The following VPS8 variants were observed in gnomAD, a reference collection of about 807,000 sequenced individuals.
VPS8 encodes the protein VPS8 subunit of CORVET complex.
In VPS8, 129 loss-of-function variants were observed where a neutral mutation model predicts 216.4. The observed-to-expected ratio is 0.60, with a 90% CI of 0.52 to 0.69. The LOEUF (loss-of-function observed/expected upper bound fraction) is 0.69. Among genes scored for constraint, VPS8 ranks in the 30% least tolerant of loss-of-function variants. The pLI is 0.00. For synonymous variants in VPS8, 571 were observed against 565.4 expected (o/e 1.01, Z -0.14); for missense variants, 1,531 against 1,683.5 (o/e 0.91, Z 1.59).
chr3:184,814,950 A>G (rs1054003715), intron 1 of VPS8, among the ~76,000 whole-genome samples: 4 of 152,216 alleles, frequency 2.6e-5, no homozygotes, highest in African/African-American at 4.8e-5. Context: ...CTGTACAAAA[A>G]TATTTTCTTT....
At chr3:184,873,784 C>G (rs1728767657) in intron 21 of VPS8, among the ~76,000 whole-genome samples, 1 of 152,174 alleles carries the variant, frequency 6.6e-6, no homozygotes, top group Admixed American at 6.5e-5. Flanking sequence ...GTTCAACTCT[C>G]AAGACCCAGT....
At chr3:185,016,881 T>G (rs557490593) in intron 45 of VPS8, among the ~76,000 whole-genome samples, 1 of 152,308 alleles carries the variant, frequency 6.6e-6, no homozygotes, top group African/African-American at 2.4e-5. Context: ...TTGGCTTATC[T>G]GTTAACCATT....
chr3:184,942,943 A>G (rs1743002905), intron 36 of VPS8, among the ~76,000 whole-genome samples: 1 of 152,172 alleles, frequency 6.6e-6, no homozygotes, highest in Admixed American at 6.6e-5. Flanking sequence ...GTAAAGAAAA[A>G]AGAGGAAGTT....
chr3:184,989,372 T>C (rs1329444948), intron 42 of VPS8, among the ~76,000 whole-genome samples: 1 of 152,204 alleles, frequency 6.6e-6, no homozygotes, highest in African/African-American at 2.4e-5. Context: ...TATGATCATA[T>C]GATTTTTCTT....
At chr3:184,885,958 C>A in intron 21 of VPS8, 152 bp from the exon 22 acceptor site, 2 of 713,266 alleles carry the variant, frequency 2.8e-6, no homozygotes, top group Non-Finnish European at 4.6e-6. Context: ...GTTTTTCAGA[C>A]TTTGACACAT....
chr3:184,960,099 T>C (rs1746263697), intron 37 of VPS8, among the ~76,000 whole-genome samples: 1 of 152,192 alleles, frequency 6.6e-6, no homozygotes, highest in East Asian at 1.9e-4. Context: ...TTTGGTTTTT[T>C]GTCCTTGCGA....
chr3:184,885,855 G>A, intron 21 of VPS8: 1 of 327,110 alleles, frequency 3.1e-6, no homozygotes, highest in Non-Finnish European at 5.6e-6. Context: ...TTAGAAAGAT[G>A]CAGTGAACAC....
intron 46 of VPS8, among the ~76,000 whole-genome samples, chr3:185,033,323 A>T (rs2046591895): frequency 6.6e-6 from 1 of 152,170 alleles, no homozygotes; most frequent in South Asian, 2.1e-4. Flanking sequence ...GTAACTACTA[A>T]TCTTTTTACT....
chr3:185,013,094 T>G (rs571272565), intron 45 of VPS8, among the ~76,000 whole-genome samples: 2 of 152,342 alleles, frequency 1.3e-5, no homozygotes, highest in Non-Finnish European at 2.9e-5. Flanking sequence ...ATGCTATTGT[T>G]TGGGGTTTAA....
intron 45 of VPS8, among the ~76,000 whole-genome samples, chr3:185,012,496 ACAT>A (rs1350369043): frequency 4.0e-5 from 6 of 151,472 alleles, no homozygotes; most frequent in South Asian, 4.1e-4. Flanking sequence ...TTCATAGCAA[ACAT>A]CAACCCATAG....
At position 184,862,995 on chromosome 3, in the gene VPS8, A is replaced by G. The variant is rs747846690; in HGVS notation, c.1323A>G (p.Ser441=). 2.0e-5 allele frequency: 32 copies of G among 1,612,582 alleles called. No homozygotes were observed. The highest frequency in any genetic ancestry group is 4.2e-6 in the Non-Finnish European group (5 of 1,179,272). Residue 441 remains serine (S), a synonymous_variant, in exon 16 of 48, where the codon TCA becomes TCG. Coordinates refer to ENST00000625842, the MANE Select transcript of VPS8 (RefSeq NM_001009921.3). ...TQEELETVEI[S]EVQLVYNSSH... Reference sequence around the variant, plus strand: ...AGGAATTGGAGACAGTGGAGATCTCAGAAGTTCAGCTGGTCTACAATAGCA... The same window carrying G: ...AGGAATTGGAGACAGTGGAGATCTCGGAAGTTCAGCTGGTCTACAATAGCA...
intron 7 of VPS8, 109 bp downstream of exon 7, chr3:184,839,861 C>T (rs1721796028): frequency 6.2e-6 from 9 of 1,445,184 alleles, no homozygotes; most frequent in Non-Finnish European, 8.2e-6. Context: ...TGAACAAAAC[C>T]AGAAAAACTT....
chr3:184,846,468 T>A (rs1723148379), intron 8 of VPS8, among the ~76,000 whole-genome samples: 1 of 152,232 alleles, frequency 6.6e-6, no homozygotes, highest in Non-Finnish European at 1.5e-5. Context: ...TTATTCTCTT[T>A]GTTATCATAT....
At chr3:184,864,938 A>G (rs1727054018) in intron 16 of VPS8, among the ~76,000 whole-genome samples, 1 of 152,198 alleles carries the variant, frequency 6.6e-6, no homozygotes, top group African/African-American at 2.4e-5. Context: ...TATTATGACT[A>G]TACTCTTTAG....
chr3:184,899,389 C>T (rs537595352), intron 24 of VPS8, among the ~76,000 whole-genome samples: 8 of 152,322 alleles, frequency 5.3e-5, no homozygotes, highest in African/African-American at 1.9e-4. Context: ...CTATCCAAAA[C>T]TATCTTCAGT....
intron 25 of VPS8, among the ~76,000 whole-genome samples, chr3:184,908,676 C>G (rs562642152): frequency 6.6e-6 from 1 of 152,208 alleles, no homozygotes; most frequent in Non-Finnish European, 1.5e-5. Flanking sequence ...TACCCACACT[C>G]GGTGGGTCCC....
intron 38 of VPS8, among the ~76,000 whole-genome samples, chr3:184,965,229 A>G (rs1405159422): frequency 6.6e-6 from 1 of 152,206 alleles, no homozygotes; most frequent in Non-Finnish European, 1.5e-5. Flanking sequence ...AATGTTCCAT[A>G]TTGGCTTCTC....
chr3:184,889,817 A>G (rs2108898481), intron 22 of VPS8, among the ~76,000 whole-genome samples: 1 of 152,228 alleles, frequency 6.6e-6, no homozygotes, highest in Middle Eastern at 3.4e-3. Flanking sequence ...TTTTCATCAG[A>G]ATGTTAAGAT....
intron 45 of VPS8, among the ~76,000 whole-genome samples, chr3:185,008,512 T>C (rs556882428): frequency 1.0e-3 from 153 of 152,206 alleles, no homozygotes; most frequent in Admixed American, 1.6e-3. Flanking sequence ...GACAGGTACA[T>C]AATTGGCATA....
Sources: allele counts gnomAD v4.1 joint callset (sites outside exome capture counted in the v4.1 genomes callset), GRCh38; gene constraint gnomAD v4.1.1; transcripts MANE v1.5; gene names NCBI Gene and HGNC (gene_info 2026-07-23, HGNC 2026-07-21).